Variants in DPP10 observed in about 807,000 individuals in gnomAD.
DPP10 encodes the protein inactive dipeptidyl peptidase 10.
Under a neutral mutation model 120.9 loss-of-function variants are expected in DPP10, and 33 were observed. The observed-to-expected ratio is 0.27, with a 90% CI of 0.21 to 0.37. DPP10 has a LOEUF of 0.37. Among genes scored for constraint, DPP10 ranks in the 10% least tolerant of loss-of-function variants. DPP10 has a pLI of 1.00. For missense variants in DPP10, 816 were observed against 942.8 expected (o/e 0.87, Z 1.76); for synonymous variants, 337 against 326.1 (o/e 1.03, Z -0.36).
chr2:114,957,033 G>T (rs551531313), intron 1 of DPP10, among the ~76,000 whole-genome samples: 1 of 146,502 alleles, frequency 6.8e-6, no homozygotes, highest in East Asian at 2.0e-4. Flanking sequence ...TCTGAGCAAA[G>T]GTTTCTTGGA....
At chr2:115,255,815 C>G (rs2058959638) in intron 1 of DPP10, among the ~76,000 whole-genome samples, 1 of 152,150 alleles carries the variant, frequency 6.6e-6, no homozygotes, top group South Asian at 2.1e-4. Flanking sequence ...AGATTTTGGT[C>G]AAAACCATTC....
At chr2:114,761,787 A>G (rs1209041767) in intron 1 of DPP10, among the ~76,000 whole-genome samples, 1 of 152,224 alleles carries the variant, frequency 6.6e-6, no homozygotes, top group Non-Finnish European at 1.5e-5. Context: ...TATTACTGCT[A>G]AGAAACTGCT....
chr2:115,237,079 T>C (rs745963511), intron 1 of DPP10, among the ~76,000 whole-genome samples: 18 of 152,182 alleles, frequency 1.2e-4, no homozygotes, highest in Non-Finnish European at 2.1e-4. Flanking sequence ...CTAAGCTCTA[T>C]ACAGACAAAG....
intron 1 of DPP10, chr2:114,833,916 C>T (rs1687369727): frequency 6.6e-6 from 1 of 152,100 alleles, no homozygotes; most frequent in Non-Finnish European, 1.5e-5. Context: ...GGTGGTGCTT[C>T]TGCCCTTACT....
chr2:115,388,427 G>A (rs2067102202), intron 3 of DPP10, among the ~76,000 whole-genome samples: 1 of 152,190 alleles, frequency 6.6e-6, no homozygotes, highest in South Asian at 2.1e-4. Flanking sequence ...AAGGGTAGGA[G>A]CCTTGGGCTG....
At chr2:115,064,708 C>T (rs1325994944) in intron 1 of DPP10, 8 of 1,302,468 alleles carry the variant, frequency 6.1e-6, no homozygotes, top group African/African-American at 3.0e-5. Flanking sequence ...AAGTAAGATT[C>T]TGTGAGGGTG....
intron 3 of DPP10, among the ~76,000 whole-genome samples, chr2:115,355,422 A>G (rs965875211): frequency 6.6e-6 from 1 of 151,832 alleles, no homozygotes; most frequent in Non-Finnish European, 1.5e-5. Context: ...TTTCTTGTAA[A>G]GTTGTTTAAG....
At chr2:114,862,315 A>G (rs1574364775) in intron 1 of DPP10, among the ~76,000 whole-genome samples, 1 of 152,198 alleles carries the variant, frequency 6.6e-6, no homozygotes, top group African/African-American at 2.4e-5. Context: ...CCCTACTCAT[A>G]TAAGATAAAA....
intron 21 of DPP10, among the ~76,000 whole-genome samples, chr2:115,817,856 C>T (rs910748202): frequency 1.3e-5 from 2 of 151,488 alleles, no homozygotes; most frequent in Non-Finnish European, 2.9e-5. Flanking sequence ...TATAATTCTA[C>T]TTATTACATG....
In DPP10 at chr2:115,801,141, G is replaced by A. The variant is rs1326207130; in HGVS notation, c.1700+9785G>A. Among the ~76,000 whole-genome samples the A allele has an allele frequency of 7.9e-5, 12 of 151,816 alleles. No individual in the cohort carries two copies. In the East Asian group the frequency reaches 2.3e-3, roughly 30 times the overall value. The stretch of plus-strand genomic sequence containing the variant: ...AGTGGTTTGTAGTTCTCCTTGAAGA[G>A]GTCCTTCACATCCCTTGTAAGTTGG... On this transcript the variant is annotated intron_variant, in intron 19 of 25. Transcript: ENST00000410059.
intron 1 of DPP10, among the ~76,000 whole-genome samples, chr2:114,797,737 TC>T (rs901619205): frequency 2.0e-5 from 3 of 152,156 alleles, no homozygotes; most frequent in Non-Finnish European, 4.4e-5. Context: ...CAAGGAAGAT[TC>T]CAAACAACAG....
intron 1 of DPP10, among the ~76,000 whole-genome samples, chr2:114,550,899 A>G (rs1687832520): frequency 6.6e-6 from 1 of 152,200 alleles, no homozygotes; most frequent in African/African-American, 2.4e-5. Context: ...CTGACTGTTC[A>G]GATCAGACGA....
At chr2:114,794,843 G>A (rs189247478) in intron 1 of DPP10, among the ~76,000 whole-genome samples, 18 of 152,078 alleles carry the variant, frequency 1.2e-4, no homozygotes, top group African/African-American at 1.7e-4. Context: ...TTTTTCATTC[G>A]CGTTATTAAA....
chr2:115,495,730 G>A (rs779900467), intron 3 of DPP10, among the ~76,000 whole-genome samples: 1 of 152,212 alleles, frequency 6.6e-6, no homozygotes, highest in Non-Finnish European at 1.5e-5. Flanking sequence ...CTGAAAATAC[G>A]TGCTTAGATC....
At chr2:115,374,448 G>A (rs1241070610) in intron 3 of DPP10, among the ~76,000 whole-genome samples, 1 of 152,176 alleles carries the variant, frequency 6.6e-6, no homozygotes, top group African/African-American at 2.4e-5. Flanking sequence ...AGTGCCTGTG[G>A]CTTTTCCAGG....
chr2:115,484,252 A>ATT (rs34563117), intron 3 of DPP10, among the ~76,000 whole-genome samples: 126 of 148,838 alleles, frequency 8.5e-4, no homozygotes, highest in South Asian at 3.4e-3. Context: ...TGGAGAGGCA[A>ATT]TTTTTTTTTT....
At chr2:115,582,297 A>T (rs1304487717) in intron 5 of DPP10, among the ~76,000 whole-genome samples, 3 of 151,690 alleles carry the variant, frequency 2.0e-5, no homozygotes, top group Non-Finnish European at 4.4e-5. Context: ...TTTTTCCCTT[A>T]CCAGTCGAGT....
At chr2:114,519,679 T>TTTTGATGTTTG (rs1684890714) in intron 1 of DPP10, among the ~76,000 whole-genome samples, 1 of 152,250 alleles carries the variant, frequency 6.6e-6, no homozygotes, top group Non-Finnish European at 1.5e-5. Flanking sequence ...CAGTTCCATC[T>TTTTGATGTTTG]TTCCTCAAAC....
chr2:115,503,985 T>C (rs1001337629), intron 4 of DPP10, among the ~76,000 whole-genome samples: 19 of 152,058 alleles, frequency 1.2e-4, no homozygotes, highest in African/African-American at 4.6e-4. Context: ...TAGAAGGTAA[T>C]TTTCTGAGGT....
Sources: gnomAD v4.1 joint callset for allele counts (sites outside exome capture counted in the v4.1 genomes callset) on GRCh38, gnomAD v4.1.1 for gene constraint, MANE v1.5 for transcripts, NCBI Gene and HGNC (gene_info 2026-07-23, HGNC 2026-07-21) for gene names.